Variants in DCC observed in about 807,000 individuals in gnomAD.
DCC encodes netrin receptor DCC.
Under a neutral mutation model 172.5 loss-of-function variants are expected in DCC, and 58 were observed. That is an observed-to-expected ratio of 0.34 (90% confidence interval 0.27 to 0.42). The LOEUF is 0.42. Among genes scored for constraint, DCC ranks in the 10% least tolerant of loss-of-function variants. The pLI, the probability that DCC is intolerant of heterozygous loss-of-function variation, is 1.00. For missense variants in DCC, 1,740 were observed against 1,791.0 expected (o/e 0.97, Z 0.51); for synonymous variants, 709 against 644.5 (o/e 1.10, Z -1.52).
chr18:53,525,182 A>G (rs939031878), intron 27 of DCC, among the ~76,000 whole-genome samples: 4 of 152,096 alleles, frequency 2.6e-5, no homozygotes, highest in African/African-American at 9.7e-5. Context: ...GGTTCAGTTG[A>G]CAAGAAATTG....
chr18:53,234,547 C>A (rs963541554), intron 12 of DCC, among the ~76,000 whole-genome samples: 2 of 152,150 alleles, frequency 1.3e-5, no homozygotes, highest in African/African-American at 2.4e-5. Context: ...CATAAGTAGG[C>A]CCTGTGAAAA....
chr18:53,231,801 C>T (rs967769109), intron 12 of DCC, among the ~76,000 whole-genome samples: 1 of 152,070 alleles, frequency 6.6e-6, no homozygotes, highest in Non-Finnish European at 1.5e-5. Context: ...TCAGCCTCTT[C>T]TTATCGCATG....
intron 7 of DCC, among the ~76,000 whole-genome samples, chr18:53,095,895 T>G (rs1005641581): frequency 1.3e-5 from 2 of 150,944 alleles, no homozygotes; most frequent in Admixed American, 6.6e-5. Flanking sequence ...TCGGTAACTA[T>G]TCCTCAAAGG....
intron 12 of DCC, among the ~76,000 whole-genome samples, chr18:53,290,729 C>A (rs1017605034): frequency 6.6e-6 from 1 of 152,062 alleles, no homozygotes; most frequent in Non-Finnish European, 1.5e-5. Flanking sequence ...ATTGGCCATA[C>A]CTAAATTTTT....
chr18:53,037,427 C>T (rs978963253), intron 5 of DCC, among the ~76,000 whole-genome samples: 6 of 151,920 alleles, frequency 3.9e-5, no homozygotes, highest in Admixed American at 2.6e-4. Flanking sequence ...TGAGGGTAGA[C>T]ATTGAAAGAA....
intron 1 of DCC, among the ~76,000 whole-genome samples, chr18:52,398,681 G>A (rs931030086): frequency 3.3e-5 from 5 of 151,908 alleles, no homozygotes; most frequent in Non-Finnish European, 2.9e-5. Context: ...ATACATACAC[G>A]TGCCATAAAA....
chr18:52,420,173 G>A (rs931124491), intron 1 of DCC, among the ~76,000 whole-genome samples: 1 of 152,202 alleles, frequency 6.6e-6, no homozygotes, highest in African/African-American at 2.4e-5. Context: ...CCAAGATGGG[G>A]ATGTTGCATA....
chr18:52,678,670 A>C (rs921498964), intron 1 of DCC, among the ~76,000 whole-genome samples: 1 of 152,316 alleles, frequency 6.6e-6, no homozygotes, highest in East Asian at 1.9e-4. Flanking sequence ...GTGTTTACAA[A>C]GAACACACAT....
chr18:52,341,014 C>A, intron 1 of DCC, 136 bp downstream of exon 1: 1 of 771,684 alleles, frequency 1.3e-6, no homozygotes. Flanking sequence ...CATTTGCGCA[C>A]CGATGATAAA....
chr18:52,906,396 C>T (rs545515861), intron 3 of DCC, 68 bp downstream of exon 3: 1 of 1,496,196 alleles, frequency 6.7e-7, no homozygotes, highest in East Asian at 2.3e-5. Context: ...CAATTTTTTT[C>T]TTTAACAGAT....
At chr18:53,199,882 A>G (rs1229835159) in intron 9 of DCC, among the ~76,000 whole-genome samples, 1 of 152,170 alleles carries the variant, frequency 6.6e-6, no homozygotes, top group Non-Finnish European at 1.5e-5. Flanking sequence ...TTATTTTAAC[A>G]TATGAGAATA....
At chr18:53,033,208 G>C (rs527590728) in intron 5 of DCC, among the ~76,000 whole-genome samples, 1 of 152,098 alleles carries the variant, frequency 6.6e-6, no homozygotes, top group Non-Finnish European at 1.5e-5. Context: ...AGCATGCCAT[G>C]GTTAGCTCTT....
intron 1 of DCC, among the ~76,000 whole-genome samples, chr18:52,668,241 G>A (rs1426699848): frequency 6.6e-6 from 1 of 152,194 alleles, no homozygotes; most frequent in African/African-American, 2.4e-5. Flanking sequence ...GAATTTCAGA[G>A]AGTGGGGCTC....
At chr18:52,515,617 A>AAAAAAAAAAAAAAAAAAAAAAAAAC (rs2031608243) in intron 1 of DCC, among the ~76,000 whole-genome samples, 1 of 140,004 alleles carries the variant, frequency 7.1e-6, no homozygotes, top group Non-Finnish European at 1.6e-5. Flanking sequence ...AAAAAAAAAA[A>AAAAAAAAAAAAAAAAAAAAAAAAAC]AAAAAAAAAT....
At chr18:52,716,653 AG>A (rs2036389127) in intron 1 of DCC, among the ~76,000 whole-genome samples, 2 of 152,230 alleles carry the variant, frequency 1.3e-5, no homozygotes, top group African/African-American at 4.8e-5. Context: ...CACCTGGAAG[AG>A]GGATGAAGAT....
intron 5 of DCC, among the ~76,000 whole-genome samples, chr18:52,996,243 A>G (rs1423717168): frequency 6.6e-6 from 1 of 151,718 alleles, no homozygotes; most frequent in Non-Finnish European, 1.5e-5. Context: ...GTTTTATTTT[A>G]TATAATTATA....
intron 5 of DCC, among the ~76,000 whole-genome samples, chr18:53,035,158 A>ATCTG (rs2042075980): frequency 1.9e-5 from 2 of 103,930 alleles, no homozygotes; most frequent in Non-Finnish European, 4.0e-5. Flanking sequence ...TCAAACATTT[A>ATCTG]TCTGTGTGTG....
chr18:52,433,217 T>C (rs1987682025), intron 1 of DCC, among the ~76,000 whole-genome samples: 1 of 152,204 alleles, frequency 6.6e-6, no homozygotes, highest in Non-Finnish European at 1.5e-5. Context: ...TATTTTAAAA[T>C]TAAACCCACT....
Position 53,535,408 on chromosome 18 carries a change from G to A in DCC, c.*4755G>A, listed in dbSNP as rs2144653434. ...TCATCGCCACTTCTCCCTTTTTAGG[G>A]TCATTCAAAGAAGATAACACCAAAC... is the stretch of plus-strand genomic sequence containing the variant. On this transcript the variant is annotated 3_prime_UTR_variant, in exon 29 of 29. Transcript: ENST00000442544. The A allele has an allele frequency of 6.6e-6, 1 of 152,240 alleles. No individual in the cohort carries two copies. Among genetic ancestry groups the A allele is most frequent in the South Asian group, 2.1e-4 (1 of 4,818 alleles). 9.4% of individuals were successfully genotyped at this position (152,240 alleles called of 1,614,324 possible).
Sources: gnomAD v4.1 joint callset for allele counts (sites outside exome capture counted in the v4.1 genomes callset) on GRCh38, gnomAD v4.1.1 for gene constraint, MANE v1.5 for transcripts, NCBI Gene and HGNC (gene_info 2026-07-23, HGNC 2026-07-21) for gene names.